The following DMRT1 variants were observed in gnomAD, a reference collection of about 807,000 sequenced individuals.
DMRT1 encodes doublesex- and mab-3-related transcription factor 1.
DMRT1 carries 7 observed loss-of-function variants against 32.3 expected under a neutral mutation model. That is an observed-to-expected ratio of 0.22 (90% confidence interval 0.12 to 0.41). DMRT1 has a LOEUF of 0.41. Ranked by LOEUF, DMRT1 falls within the 10% of genes least tolerant of loss-of-function variation. The probability of loss-of-function intolerance (pLI) is 1.00; values close to 1 mark genes in which losing one functional copy is unlikely to be tolerated. For missense variants in DMRT1, 625 were observed against 500.5 expected (o/e 1.25, Z -2.37); for synonymous variants, 278 against 206.1 (o/e 1.35, Z -2.99).
intron 3 of DMRT1, among the ~76,000 whole-genome samples, chr9:903,764 G>A (rs1326320883): frequency 6.6e-6 from 1 of 152,206 alleles, no homozygotes; most frequent in African/African-American, 2.4e-5. Flanking sequence ...CTGGATACCT[G>A]GGGCCCTGGA....
intron 3 of DMRT1, among the ~76,000 whole-genome samples, chr9:898,709 G>A (rs965714029): frequency 6.6e-6 from 1 of 152,266 alleles, no homozygotes. Context: ...CTTGAGGCCA[G>A]AATGTGAGGT....
intron 3 of DMRT1, among the ~76,000 whole-genome samples, chr9:895,914 C>T (rs1216350069): frequency 6.6e-6 from 1 of 151,226 alleles, no homozygotes; most frequent in Non-Finnish European, 1.5e-5. Context: ...AAGCCATTCT[C>T]CTGCCTCAGC....
At chr9:888,442 G>A (rs1817015877) in intron 2 of DMRT1, among the ~76,000 whole-genome samples, 1 of 152,016 alleles carries the variant, frequency 6.6e-6, no homozygotes. Flanking sequence ...TAGTGGCTGG[G>A]ACTACAGGCA....
intron 3 of DMRT1, among the ~76,000 whole-genome samples, chr9:915,564 G>T (rs1380916690): frequency 6.6e-6 from 1 of 152,040 alleles, no homozygotes; most frequent in Non-Finnish European, 1.5e-5. Flanking sequence ...CATGTGTCCA[G>T]TTAGCAGAAG....
chr9:900,163 T>TTGTATTTGAAA, intron 3 of DMRT1, among the ~76,000 whole-genome samples: 1 of 45,680 alleles, frequency 2.2e-5, no homozygotes, highest in East Asian at 9.0e-4. Context: ...CCTAAACCTT[T>TTGTATTTGAAA]CTACAGGTAG....
chr9:891,927 G>C (rs532181563), intron 2 of DMRT1, among the ~76,000 whole-genome samples: 1 of 152,304 alleles, frequency 6.6e-6, no homozygotes, highest in African/African-American at 2.4e-5. Flanking sequence ...GTCTGGCAGT[G>C]TGCTAAGCAC....
At chr9:921,919 A>T (rs1195779626) in intron 4 of DMRT1, among the ~76,000 whole-genome samples, 3 of 152,196 alleles carry the variant, frequency 2.0e-5, no homozygotes, top group African/African-American at 7.2e-5. Flanking sequence ...CCAGCTCTGT[A>T]GCACAGGCAG....
At chr9:882,483 G>T (rs540797287) in intron 2 of DMRT1, among the ~76,000 whole-genome samples, 2 of 152,252 alleles carry the variant, frequency 1.3e-5, no homozygotes, top group Admixed American at 1.3e-4. Flanking sequence ...ACCTTTTCCA[G>T]TCCTTTACAT....
chr9:842,449 C>G lies in DMRT1; in HGVS notation c.354+257C>G, dbSNP rs1398087005. ...GGGGGTTTCACCATATTGGTCAGGC[C>G]GGTCTCGAGCTCCTGACCTCAGGTG... On this transcript the variant is annotated intron_variant, in intron 1 of 4. Transcript: ENST00000382276. The G allele has an allele frequency of 6.9e-5, 34 of 496,042 alleles. 1 individual carries two copies. Among genetic ancestry groups the G allele is most frequent in the South Asian group, 2.3e-5 (1 of 44,184 alleles). The allele number at this position is 496,042 out of a possible 1,614,324, so 30.7% of individuals were successfully genotyped here. A position where few individuals can be genotyped will look rare whatever the true frequency, so the allele number is the denominator to read the frequency against.
At chr9:854,579 T>A (rs965689882) in intron 2 of DMRT1, among the ~76,000 whole-genome samples, 4 of 152,160 alleles carry the variant, frequency 2.6e-5, no homozygotes, top group African/African-American at 9.7e-5. Context: ...TTATACAAAT[T>A]GGATTGAGAC....
At chr9:861,585 C>A (rs1272444599) in intron 2 of DMRT1, among the ~76,000 whole-genome samples, 1 of 152,202 alleles carries the variant, frequency 6.6e-6, no homozygotes, top group East Asian at 1.9e-4. Context: ...GGTACACCTC[C>A]CAGACGGGGT....
chr9:935,667 A>G (rs917305148), intron 4 of DMRT1, among the ~76,000 whole-genome samples: 1 of 152,204 alleles, frequency 6.6e-6, no homozygotes, highest in African/African-American at 2.4e-5. Context: ...CATTTTCATG[A>G]ATCAGTGTCG....
chr9:930,616 G>A (rs1186447894), intron 4 of DMRT1, among the ~76,000 whole-genome samples: 1 of 151,968 alleles, frequency 6.6e-6, no homozygotes, highest in African/African-American at 2.4e-5. Context: ...CACCATGTTA[G>A]CCAGGATGGT....
At chr9:938,707 T>C (rs2129897912) in intron 4 of DMRT1, among the ~76,000 whole-genome samples, 1 of 152,346 alleles carries the variant, frequency 6.6e-6, no homozygotes, top group Non-Finnish European at 1.5e-5. Context: ...ATAATTGTAC[T>C]TCTTTCTTTC....
intron 2 of DMRT1, among the ~76,000 whole-genome samples, chr9:873,776 G>A (rs1816378113): frequency 6.6e-6 from 1 of 152,178 alleles, no homozygotes; most frequent in Non-Finnish European, 1.5e-5. Flanking sequence ...TACCTTTTAA[G>A]TATTGTATTG....
intron 3 of DMRT1, among the ~76,000 whole-genome samples, chr9:908,114 T>C (rs926951758): frequency 3.9e-5 from 6 of 152,184 alleles, no homozygotes; most frequent in Non-Finnish European, 8.8e-5. Flanking sequence ...TAAATACAAG[T>C]GTAATCCTGA....
intron 2 of DMRT1, among the ~76,000 whole-genome samples, chr9:861,863 G>C (rs1468073777): frequency 6.6e-6 from 1 of 151,410 alleles, no homozygotes; most frequent in Non-Finnish European, 1.5e-5. Context: ...CCTCCCAGAC[G>C]GGGTCGCGGC....
chr9:931,772 C>A (rs1263587222), intron 4 of DMRT1, among the ~76,000 whole-genome samples: 2 of 152,114 alleles, frequency 1.3e-5, no homozygotes, highest in Non-Finnish European at 2.9e-5. Context: ...CAGTTATCTC[C>A]CTAAAGGCCC....
chr9:861,184 T>G (rs1815648268), intron 2 of DMRT1, among the ~76,000 whole-genome samples: 1 of 151,728 alleles, frequency 6.6e-6, no homozygotes, highest in African/African-American at 2.4e-5. Context: ...GGTCTCTGGT[T>G]TTCCTAGGCA....
Sources: allele counts gnomAD v4.1 joint callset (sites outside exome capture counted in the v4.1 genomes callset), GRCh38; gene constraint gnomAD v4.1.1; transcripts MANE v1.5; gene names NCBI Gene and HGNC (gene_info 2026-07-23, HGNC 2026-07-21).